The following BCAS3 variants were observed in gnomAD, a reference collection of about 807,000 sequenced individuals.
BCAS3 encodes BCAS3 microtubule associated cell migration factor, also known as BCAS4/BCAS3 fusion.
A neutral mutation model predicts 116.1 loss-of-function variants in BCAS3; 53 were observed. The observed-to-expected ratio is 0.46, with a 90% confidence interval of 0.37 to 0.57. BCAS3 has a LOEUF of 0.57. BCAS3 is among the 20% of genes least tolerant of loss of function. The probability of loss-of-function intolerance (pLI) is 0.00; values close to 1 mark genes in which losing one functional copy is unlikely to be tolerated. For synonymous variants in BCAS3, 391 were observed against 408.2 expected (o/e 0.96, Z 0.51); for missense variants, 917 against 1,165.4 (o/e 0.79, Z 3.10).
At chr17:60,809,377 A>G (rs564180898) in intron 7 of BCAS3, among the ~76,000 whole-genome samples, 1 of 152,356 alleles carries the variant, frequency 6.6e-6, no homozygotes, top group Non-Finnish European at 1.5e-5. Context: ...AAAGCATATA[A>G]TAATCTGAAA....
chr17:60,772,018 G>A (rs28867459), intron 6 of BCAS3, among the ~76,000 whole-genome samples: 41,604 of 151,944 alleles, frequency 0.27, 11,393 homozygotes, highest in African/African-American at 0.71. Context: ...ATAAACATAC[G>A]TGTGCATGTG....
intron 7 of BCAS3, among the ~76,000 whole-genome samples, chr17:60,843,310 G>A (rs1468173615): frequency 3.3e-5 from 5 of 151,078 alleles, no homozygotes; most frequent in East Asian, 1.9e-4. Context: ...TCTGCTTCCC[G>A]TGTTCAAGCG....
Position 61,368,479 on chromosome 17 carries a change from G to T in BCAS3, c.2578G>T (p.Val860Leu). The T allele has an allele frequency of 1.2e-6, 2 of 1,606,996 alleles. No homozygotes were observed. The highest frequency in any genetic ancestry group is 1.3e-5 in the African/African-American group (1 of 74,944). Residue 860 changes from valine (V) to leucine (L), a missense_variant, in exon 23 of 24, where the codon GTG (valine) becomes TTG (leucine). Val to Leu is a conservative substitution (Grantham distance 32, BLOSUM62 1). This residue lies in a region of BCAS3 where 109 missense variants were observed against 122.8 expected (regional missense o/e 0.89). Transcript: ENST00000407086. This position sits in a 1 kb window ranked among gnomAD's most constrained non-coding sequence, Gnocchi z 6.0. ...GGCCGAGTCACCTAGCCGGGACGTC[G>T]TGGGATCCGGAACAGGTAAAGGTGT... ...AMAESPSRDVVGSGTELQREG... is the reference protein window; with the variant it reads ...AMAESPSRDVLGSGTELQREG...
rs757315659 is a variant in BCAS3, at chr17:61,126,240, G to A, written c.2425+41676G>A. On this transcript the variant is annotated intron_variant, in intron 22 of 23. Coordinates refer to ENST00000407086, the MANE Select transcript of BCAS3 (RefSeq NM_017679.5). This position sits in a 1 kb window ranked among gnomAD's most constrained non-coding sequence, Gnocchi z 4.6. ...TTTAATTCATTAGAATTGTGTGTGC[G>A]TTGTGGCATGTGGGTACATCAGAAG... Among the ~76,000 whole-genome samples the A allele has an allele frequency of 3.9e-5, 6 of 152,052 alleles. No individual in the cohort carries two copies. The highest frequency in any genetic ancestry group is 2.1e-4 in the South Asian group (1 of 4,832).
In BCAS3 at chr17:61,142,092, A is replaced by ATT. The variant is rs568158934; in HGVS notation, c.2425+57536_2425+57537dup. Reference sequence around the variant, plus strand: ...ATTACATGTAAGATTCTCTTGTTTTATTTTTTTTTAATGAGCTAAGTTTAT... The same window carrying ATT: ...ATTACATGTAAGATTCTCTTGTTTTATTTTTTTTTTTAATGAGCTAAGTTTAT... On this transcript the variant is annotated intron_variant, in intron 22 of 23. Transcript: ENST00000407086. Among the ~76,000 whole-genome samples the ATT allele has an allele frequency of 3.2e-3, 470 of 149,110 alleles. 2 individuals carry two copies. The highest frequency in any genetic ancestry group is 0.011 in the African/African-American group (454 of 40,700).
intron 22 of BCAS3, among the ~76,000 whole-genome samples, chr17:61,263,872 G>A (rs757167796): frequency 2.0e-5 from 3 of 152,170 alleles, no homozygotes; most frequent in Non-Finnish European, 4.4e-5. Flanking sequence ...ATTGTGCTGC[G>A]ACAAATGATT....
rs1300128849 is a variant in BCAS3 at position 61,274,239 on chromosome 17, T to G, written c.2426-94088T>G. Among the ~76,000 whole-genome samples, 11 of 151,492 alleles carry G rather than the reference T, an allele frequency of 7.3e-5. 1 individual carries two copies. The East Asian group carries it at 2.1e-3, about 29-fold the overall frequency. On this transcript the variant is annotated intron_variant, in intron 22 of 23. Coordinates refer to ENST00000407086, the MANE Select transcript of BCAS3 (RefSeq NM_017679.5). ...GTTTTTTGTCCTTGTGATAGTTTGC[T>G]GAGAATGATGGTTGTGTTCACACTT...
chr17:60,830,372 A>G (rs887141257), intron 7 of BCAS3, among the ~76,000 whole-genome samples: 1 of 152,240 alleles, frequency 6.6e-6, no homozygotes, highest in African/African-American at 2.4e-5. Context: ...TTGCACAAGT[A>G]TAGTTGGAAA....
intron 4 of BCAS3, among the ~76,000 whole-genome samples, chr17:60,694,135 T>C (rs1417637097): frequency 6.7e-6 from 1 of 150,188 alleles, no homozygotes; most frequent in African/African-American, 2.5e-5. Flanking sequence ...ATCTGCCCGC[T>C]TCGGCCTTCC....
chr17:60,893,600 CTTTTTTTTT>C (rs930873750), intron 10 of BCAS3, among the ~76,000 whole-genome samples: 9 of 82,056 alleles, frequency 1.1e-4, no homozygotes, highest in African/African-American at 4.3e-4. Flanking sequence ...GACCTATGAT[CTTTTTTTTT>C]TTTTTTTTTT....
At chr17:61,334,952 CCTGAACCTGCCTGAGGA>C (rs1293929504) in intron 22 of BCAS3, among the ~76,000 whole-genome samples, 2 of 152,174 alleles carry the variant, frequency 1.3e-5, no homozygotes, top group African/African-American at 4.8e-5. Context: ...ATGGGGAGAG[CCTGAACCTGCCTGAGGA>C]CTGAACCTGA....
rs1461133879 is a variant in BCAS3, at chr17:61,128,279, A to G, written c.2425+43715A>G. The G allele has an allele frequency of 3.0e-6, 3 of 985,438 alleles. No individual in the cohort carries two copies. Among genetic ancestry groups the G allele is most frequent in the Non-Finnish European group, 3.6e-6 (3 of 829,932 alleles). 61.0% of individuals were successfully genotyped at this position (985,438 alleles called of 1,614,324 possible). A position where few individuals can be genotyped will look rare whatever the true frequency, so the allele number is the denominator to read the frequency against. Reference sequence around the variant, plus strand: ...GCCGTGTTAGGCTTTGACTTAAATCAGATTTCATCTACGGCTGAGATGCAG... The same window carrying G: ...GCCGTGTTAGGCTTTGACTTAAATCGGATTTCATCTACGGCTGAGATGCAG... On this transcript the variant is annotated intron_variant, in intron 22 of 23. Coordinates refer to ENST00000407086, the MANE Select transcript of BCAS3 (RefSeq NM_017679.5). The surrounding 1 kb of genome is among the most constrained non-coding windows in gnomAD (Gnocchi z 4.1).
chr17:60,783,785 TCA>T (rs2046033945), intron 6 of BCAS3, among the ~76,000 whole-genome samples: 1 of 152,210 alleles, frequency 6.6e-6, no homozygotes, highest in Non-Finnish European at 1.5e-5. Flanking sequence ...GTACTCCACC[TCA>T]CAGTTATATA....
chr17:60,782,561 G>GTTATTA (rs59139545), intron 6 of BCAS3, among the ~76,000 whole-genome samples: 6,381 of 142,404 alleles, frequency 0.045, 295 homozygotes, highest in African/African-American at 0.11. Context: ...GTCTTTATAA[G>GTTATTA]TTATTATTAT....
Position 61,217,525 on chromosome 17 carries a change from A to G in BCAS3, c.2425+132961A>G, listed in dbSNP as rs1163351554. 6.6e-6 allele frequency among the ~76,000 whole-genome samples: 1 copy of G among 152,150 alleles called. No homozygotes were observed. Among genetic ancestry groups the G allele is most frequent in the Non-Finnish European group, 1.5e-5 (1 of 68,018 alleles). On this transcript the variant is annotated intron_variant, in intron 22 of 23. Transcript: ENST00000407086. This position sits in a 1 kb window ranked among gnomAD's most constrained non-coding sequence, Gnocchi z 5.2. Reference sequence around the variant, plus strand: ...AGGAAATCTTTCTTGAACAAGATAAACAGGAACTAAGAGCAGAAATGCTTT... The same window carrying G: ...AGGAAATCTTTCTTGAACAAGATAAGCAGGAACTAAGAGCAGAAATGCTTT...
chr17:61,067,719 AAAC>A (rs1185145162), intron 19 of BCAS3, among the ~76,000 whole-genome samples: 50 of 133,064 alleles, frequency 3.8e-4, no homozygotes, highest in African/African-American at 1.6e-3. Context: ...CATCTCAAAC[AAAC>A]AAACAAAAAA....
chr17:60,790,104 G>A (rs1479652456), intron 6 of BCAS3, among the ~76,000 whole-genome samples: 3 of 151,982 alleles, frequency 2.0e-5, no homozygotes, highest in Non-Finnish European at 4.4e-5. Context: ...TTATTTTGTA[G>A]TTTAAAATTT....
chr17:61,236,351 G>A (rs560657358), intron 22 of BCAS3, among the ~76,000 whole-genome samples: 22 of 152,168 alleles, frequency 1.4e-4, no homozygotes, highest in South Asian at 4.1e-4. Flanking sequence ...ATGGAGTCTC[G>A]CTCTGTCACC....
intron 5 of BCAS3, among the ~76,000 whole-genome samples, chr17:60,721,996 A>G (rs1473830825): frequency 6.6e-6 from 1 of 152,158 alleles, no homozygotes; most frequent in Non-Finnish European, 1.5e-5. Flanking sequence ...CTTGTCTCTT[A>G]ACATTATGAC....
Sources: gnomAD v4.1 joint callset for allele counts (sites outside exome capture counted in the v4.1 genomes callset) on GRCh38, gnomAD v4.1.1 for gene constraint, gnomAD v4.1.1 regional missense constraint, Gnocchi (gnomAD v3.1) non-coding constraint, MANE v1.5 for transcripts, NCBI Gene and HGNC (gene_info 2026-07-23, HGNC 2026-07-21) for gene names.